The following CDH12 variants were observed in gnomAD, a reference collection of about 807,000 sequenced individuals.
CDH12 encodes the protein cadherin-12.
CDH12 carries 41 observed loss-of-function variants against 74.1 expected under a neutral mutation model. That is an observed-to-expected ratio of 0.55 (90% CI 0.43 to 0.72). CDH12 has a LOEUF of 0.72. Ranked by LOEUF, CDH12 falls within the 30% of genes least tolerant of loss-of-function variation. CDH12 has a pLI of 0.00. For missense variants in CDH12, 945 were observed against 977.2 expected (o/e 0.97, Z 0.44); for synonymous variants, 399 against 355.0 (o/e 1.12, Z -1.39).
chr5:22,640,874 A>T (rs777584859), intron 1 of CDH12, among the ~76,000 whole-genome samples: 53 of 152,220 alleles, frequency 3.5e-4, no homozygotes, highest in Admixed American at 1.2e-3. Flanking sequence ...CAGCCACCAA[A>T]ATCATCTTTG....
chr5:22,497,948 C>G (rs1747173256), intron 2 of CDH12, among the ~76,000 whole-genome samples: 2 of 151,924 alleles, frequency 1.3e-5, no homozygotes, highest in South Asian at 4.2e-4. Flanking sequence ...CCACCGTGCC[C>G]AGCTGAACCT....
intron 1 of CDH12, among the ~76,000 whole-genome samples, chr5:22,799,815 C>A (rs900019176): frequency 1.6e-4 from 25 of 152,034 alleles, no homozygotes; most frequent in Non-Finnish European, 7.4e-5. Flanking sequence ...ATATTTACAA[C>A]CTACAAAACA....
chr5:22,387,362 C>T (rs941686510), intron 3 of CDH12, among the ~76,000 whole-genome samples: 1 of 151,882 alleles, frequency 6.6e-6, no homozygotes, highest in Non-Finnish European at 1.5e-5. Context: ...GTAACTATAT[C>T]TTCCCTTTAG....
At chr5:22,199,930 T>A (rs141316240) in intron 4 of CDH12, among the ~76,000 whole-genome samples, 1,805 of 152,330 alleles carry the variant, frequency 0.012, 32 homozygotes, top group African/African-American at 0.042. Context: ...GTGAAGGCTT[T>A]TAGAAAAATA....
intron 5 of CDH12, among the ~76,000 whole-genome samples, chr5:21,988,227 C>T (rs1190864535): frequency 1.3e-5 from 2 of 152,072 alleles, no homozygotes; most frequent in Non-Finnish European, 2.9e-5. Context: ...CGTTGCGGCT[C>T]ATGTCTGTAA....
chr5:21,832,717 TG>T (rs1749093351), intron 8 of CDH12, among the ~76,000 whole-genome samples: 1 of 142,846 alleles, frequency 7.0e-6, no homozygotes, highest in African/African-American at 2.6e-5. Flanking sequence ...TAATGAGTAA[TG>T]GAAATGCTTA....
intron 2 of CDH12, among the ~76,000 whole-genome samples, chr5:22,488,408 T>A (rs965102148): frequency 6.6e-6 from 1 of 152,230 alleles, no homozygotes; most frequent in Non-Finnish European, 1.5e-5. Context: ...TGCAATTTTG[T>A]AAAGGAAGTC....
At chr5:22,093,521 AG>A (rs1743559230) in intron 4 of CDH12, among the ~76,000 whole-genome samples, 1 of 152,224 alleles carries the variant, frequency 6.6e-6, no homozygotes, top group African/African-American at 2.4e-5. Flanking sequence ...CAGTTATAAA[AG>A]ATTACATATT....
At chr5:22,781,615 T>C (rs577046421) in intron 1 of CDH12, among the ~76,000 whole-genome samples, 1 of 152,266 alleles carries the variant, frequency 6.6e-6, no homozygotes, top group Non-Finnish European at 1.5e-5. Context: ...AATGGGCAGC[T>C]TTCCTTTGGA....
intron 2 of CDH12, among the ~76,000 whole-genome samples, chr5:22,491,153 C>T (rs1746846441): frequency 6.6e-6 from 1 of 152,158 alleles, no homozygotes; most frequent in Non-Finnish European, 1.5e-5. Context: ...TCTCTCCCTA[C>T]TTTTATAATA....
At chr5:22,776,828 T>G (rs1747128050) in intron 1 of CDH12, among the ~76,000 whole-genome samples, 1 of 152,260 alleles carries the variant, frequency 6.6e-6, no homozygotes, top group South Asian at 2.1e-4. Context: ...AATTAATAAG[T>G]TCTAAGAAGT....
At chr5:22,659,153 T>C (rs1740217939) in intron 1 of CDH12, among the ~76,000 whole-genome samples, 1 of 152,130 alleles carries the variant, frequency 6.6e-6, no homozygotes, top group East Asian at 1.9e-4. Context: ...ATGTTTTCCA[T>C]ATGTTGAATA....
intron 10 of CDH12, 125 bp downstream of exon 10, chr5:21,802,042 T>C: frequency 1.2e-6 from 1 of 803,230 alleles, no homozygotes. Context: ...TCATTATGTT[T>C]TCAAGCATCA....
chr5:22,109,550 C>T (rs1220981126), intron 4 of CDH12, among the ~76,000 whole-genome samples: 2 of 152,138 alleles, frequency 1.3e-5, no homozygotes, highest in Non-Finnish European at 2.9e-5. Context: ...ATGCCTTCTA[C>T]CAGCATCCAT....
At chr5:22,583,818 T>C (rs1300835356) in intron 1 of CDH12, among the ~76,000 whole-genome samples, 2 of 152,140 alleles carry the variant, frequency 1.3e-5, no homozygotes, top group East Asian at 1.9e-4. Context: ...TAATATAGTG[T>C]CTTCATTGTG....
At chr5:21,930,203 C>A (rs1437239664) in intron 6 of CDH12, among the ~76,000 whole-genome samples, 3 of 152,042 alleles carry the variant, frequency 2.0e-5, no homozygotes, top group Non-Finnish European at 4.4e-5. Flanking sequence ...ATGTTTGGAG[C>A]AAGAAAGAGG....
intron 1 of CDH12, among the ~76,000 whole-genome samples, chr5:22,810,965 T>TTACATATA (rs1258428233): frequency 1.3e-5 from 2 of 150,480 alleles, no homozygotes; most frequent in African/African-American, 4.9e-5. Flanking sequence ...ACATATATAC[T>TTACATATA]TACATATATA....
At chr5:22,235,287 A>AG (rs1441787184) in intron 3 of CDH12, among the ~76,000 whole-genome samples, 1 of 152,168 alleles carries the variant, frequency 6.6e-6, no homozygotes, top group Non-Finnish European at 1.5e-5. Flanking sequence ...TCAGTTAAAA[A>AG]AACAAATTAT....
At chr5:21,937,959 A>G (rs2547563) in intron 6 of CDH12, among the ~76,000 whole-genome samples, 2 of 151,968 alleles carry the variant, frequency 1.3e-5, no homozygotes. Context: ...GTGCTTTTCC[A>G]CTACCAGCCT....
Sources: allele counts gnomAD v4.1 joint callset (sites outside exome capture counted in the v4.1 genomes callset), GRCh38; gene constraint gnomAD v4.1.1; transcripts MANE v1.5; gene names NCBI Gene and HGNC (gene_info 2026-07-23, HGNC 2026-07-21).